PLS1: variants seen among roughly 807,000 people sequenced by gnomAD.
PLS1 encodes plastin 1, also known as plastin-1.
PLS1 carries 32 observed loss-of-function variants against 73.7 expected under a neutral mutation model. The observed-to-expected ratio is 0.43, with a 90% CI of 0.33 to 0.58. The LOEUF (loss-of-function observed/expected upper bound fraction) is 0.58, where lower values mean the gene tolerates loss of function less well. PLS1 is among the 20% of genes least tolerant of loss of function. The pLI is 0.04. For synonymous variants in PLS1, 217 were observed against 261.3 expected, an observed-to-expected ratio of 0.83 and a Z score of 1.63; for missense variants, 633 against 740.5, an observed-to-expected ratio of 0.85 and a Z score of 1.68.
At chr3:142,602,574 C>T (rs114228752) in intron 1 of PLS1, among the ~76,000 whole-genome samples, 1 of 152,178 alleles carries the variant, frequency 6.6e-6, no homozygotes, top group South Asian at 2.1e-4. Flanking sequence ...GGAAAGGCCC[C>T]AGGTCAAAGA....
At position 142,631,249 on chromosome 3, in the gene PLS1, C is replaced by T. The variant is rs2036554717; in HGVS notation, c.-36-32953C>T. Among the ~76,000 whole-genome samples the T allele has an allele frequency of 3.3e-5, 5 of 151,874 alleles. No individual in the cohort carries two copies. In the South Asian group the frequency reaches 1.0e-3, roughly 32 times the overall value. Reference sequence around the variant, plus strand: ...AAAAAAAAAGGCCAGCATGGTGGCTCACGCCTGTAATCCCAGCACTTTGGG... The same window carrying T: ...AAAAAAAAAGGCCAGCATGGTGGCTTACGCCTGTAATCCCAGCACTTTGGG... On this transcript the variant is annotated intron_variant, in intron 1 of 15. Transcript: ENST00000457734.
intron 1 of PLS1, among the ~76,000 whole-genome samples, chr3:142,616,666 G>A (rs972668414): frequency 5.3e-5 from 8 of 152,052 alleles, no homozygotes; most frequent in Non-Finnish European, 7.4e-5. Context: ...ACAGTGGCAC[G>A]ATCTCAGCTC....
chr3:142,617,701 G>A (rs768682577), intron 1 of PLS1, among the ~76,000 whole-genome samples: 2 of 152,086 alleles, frequency 1.3e-5, no homozygotes, highest in African/African-American at 2.4e-5. Context: ...CACCTGGCCG[G>A]GCATAATGGC....
intron 1 of PLS1, among the ~76,000 whole-genome samples, chr3:142,636,580 CTT>C (rs2036697376): frequency 6.6e-6 from 1 of 152,182 alleles, no homozygotes; most frequent in Non-Finnish European, 1.5e-5. Context: ...ATAAGTTGGA[CTT>C]CATCAAAATG....
chr3:142,678,417 C>T (rs13095394), intron 6 of PLS1, among the ~76,000 whole-genome samples: 44,112 of 107,172 alleles, frequency 0.41, 9,712 homozygotes, highest in Non-Finnish European at 0.49. Flanking sequence ...AGCTATCCCT[C>T]CCCCCTCCCC....
At chr3:142,623,629 T>C (rs2108565741) in intron 1 of PLS1, 1 of 152,352 alleles carries the variant, frequency 6.6e-6, no homozygotes, top group South Asian at 2.1e-4. Flanking sequence ...CTTTTTCATA[T>C]AATTGTTAAA....
At chr3:142,704,142 G>A (rs891897082) in intron 13 of PLS1, 141 bp downstream of exon 13, 1 of 638,176 alleles carries the variant, frequency 1.6e-6, no homozygotes, top group Non-Finnish European at 2.5e-6. Context: ...AGGATTTACT[G>A]TTGATTATGG....
intron 1 of PLS1, among the ~76,000 whole-genome samples, chr3:142,661,456 G>C (rs1414054120): frequency 1.3e-5 from 2 of 152,130 alleles, no homozygotes; most frequent in African/African-American, 4.8e-5. Flanking sequence ...AATTGTAAGA[G>C]ATAGAAATCT....
chr3:142,706,643 A>G (rs2038468537), intron 14 of PLS1, among the ~76,000 whole-genome samples: 1 of 152,166 alleles, frequency 6.6e-6, no homozygotes, highest in Non-Finnish European at 1.5e-5. Flanking sequence ...GAATAGTGTA[A>G]CTGCAAGGAC....
chr3:142,604,582 A>C (rs1199483783), intron 1 of PLS1, among the ~76,000 whole-genome samples: 2 of 152,214 alleles, frequency 1.3e-5, no homozygotes, highest in East Asian at 3.8e-4. Context: ...GATTTTGGAA[A>C]AACAACAATA....
At chr3:142,644,253 T>G (rs1290996493) in intron 1 of PLS1, among the ~76,000 whole-genome samples, 1 of 151,890 alleles carries the variant, frequency 6.6e-6, no homozygotes, top group Non-Finnish European at 1.5e-5. Flanking sequence ...AGGTTTTTTG[T>G]TTTTTGTTTT....
rs2038247113 is a variant in PLS1, at chr3:142,698,033, C to T, written c.1337C>T (p.Pro446Leu). The T allele has an allele frequency of 6.2e-7, 1 of 1,608,760 alleles. No homozygotes were observed. The highest frequency in any genetic ancestry group is 8.5e-7 in the Non-Finnish European group (1 of 1,175,224). The change falls in exon 12 of 16, where the codon CCT (proline) becomes CTT (leucine). Residue 446 changes from proline (P) to leucine (L), a missense_variant. Transcript: ENST00000457734. ...GTCAACTGGAGCCATGTCAACAAAC[C>T]TCCTTATCCTGCCCTTGGAGGGAAC... is the stretch of plus-strand genomic sequence containing the variant. ...VPVNWSHVNK[P>L]PYPALGGNMK...
chr3:142,642,135 T>G (rs1419516309), intron 1 of PLS1, among the ~76,000 whole-genome samples: 2 of 152,182 alleles, frequency 1.3e-5, no homozygotes. Context: ...TTGTCACCTC[T>G]GTCTAACCTG....
intron 1 of PLS1, among the ~76,000 whole-genome samples, chr3:142,651,677 G>C (rs2037096859): frequency 6.6e-6 from 1 of 152,070 alleles, no homozygotes. Flanking sequence ...AGGCTCCCTG[G>C]GAGGCCAATG....
At chr3:142,660,254 A>G (rs1375888822) in intron 1 of PLS1, among the ~76,000 whole-genome samples, 1 of 152,220 alleles carries the variant, frequency 6.6e-6, no homozygotes, top group East Asian at 1.9e-4. Flanking sequence ...AAAATGTTGT[A>G]TAAACATACA....
At chr3:142,647,911 CTG>C (rs2036994415) in intron 1 of PLS1, among the ~76,000 whole-genome samples, 1 of 152,036 alleles carries the variant, frequency 6.6e-6, no homozygotes, top group African/African-American at 2.4e-5. Context: ...GTGTGGAGGA[CTG>C]TGTTGAAAAG....
intron 1 of PLS1, among the ~76,000 whole-genome samples, chr3:142,625,895 G>A (rs1263593852): frequency 1.3e-5 from 2 of 152,274 alleles, no homozygotes; most frequent in East Asian, 3.9e-4. Context: ...GATTGATTGA[G>A]CCCAGGAGTT....
chr3:142,701,556 T>G (rs2038332722), intron 12 of PLS1, among the ~76,000 whole-genome samples: 1 of 152,220 alleles, frequency 6.6e-6, no homozygotes, highest in Non-Finnish European at 1.5e-5. Context: ...TTTCTCTAGT[T>G]TGGTACCTCT....
At chr3:142,708,707 A>G (rs1295112148) in intron 14 of PLS1, among the ~76,000 whole-genome samples, 1 of 152,268 alleles carries the variant, frequency 6.6e-6, no homozygotes, top group Non-Finnish European at 1.5e-5. Flanking sequence ...TTTATGATTA[A>G]CTTAAGGAAA....
Sources: gnomAD v4.1 joint callset for allele counts (sites outside exome capture counted in the v4.1 genomes callset) on GRCh38, gnomAD v4.1.1 for gene constraint, MANE v1.5 for transcripts, NCBI Gene and HGNC (gene_info 2026-07-23, HGNC 2026-07-21) for gene names.